The following VPS13D variants were observed in gnomAD, a reference collection of about 807,000 sequenced individuals.
The protein encoded by VPS13D is vacuolar protein sorting 13 homolog D, also known as intermembrane lipid transfer protein VPS13D.
A neutral mutation model predicts 461.9 loss-of-function variants in VPS13D; 187 were observed. That is an observed-to-expected ratio of 0.40 (90% CI 0.36 to 0.46). VPS13D has a LOEUF of 0.46. Among genes scored for constraint, VPS13D ranks in the 20% least tolerant of loss-of-function variants. VPS13D has a pLI of 0.60. For missense variants in VPS13D, 4,711 were observed against 5,364.9 expected, an observed-to-expected ratio of 0.88 and a Z score of 3.81; for synonymous variants, 1,951 against 1,986.3, an observed-to-expected ratio of 0.98 and a Z score of 0.47.
At chr1:12,270,947 C>T (rs748990357) in intron 16 of VPS13D, 47 bp from the exon 17 acceptor site, 3 of 1,603,364 alleles carry the variant, frequency 1.9e-6, no homozygotes, top group Non-Finnish European at 2.6e-6. Flanking sequence ...TTTGTTCACC[C>T]AGCCGTGTGA....
chr1:12,405,280 G>A (rs183029599), intron 63 of VPS13D, among the ~76,000 whole-genome samples: 1 of 152,224 alleles, frequency 6.6e-6, no homozygotes, highest in East Asian at 1.9e-4. Flanking sequence ...GGATTTTTAT[G>A]TGGAATCTCC....
At chr1:12,357,087 G>A (rs1177318774) in intron 49 of VPS13D, among the ~76,000 whole-genome samples, 1 of 152,222 alleles carries the variant, frequency 6.6e-6, no homozygotes, top group African/African-American at 2.4e-5. Flanking sequence ...TATGGTAGGA[G>A]CATTAATTCA....
chr1:12,239,712 C>G (rs370519225), intron 2 of VPS13D, among the ~76,000 whole-genome samples: 4 of 152,102 alleles, frequency 2.6e-5, no homozygotes, highest in Non-Finnish European at 5.9e-5. Flanking sequence ...CCTGGAGCAG[C>G]GGGAAGAGAG....
chr1:12,424,047 T>G (rs913523892), intron 65 of VPS13D, among the ~76,000 whole-genome samples: 5 of 152,232 alleles, frequency 3.3e-5, no homozygotes, highest in Non-Finnish European at 4.4e-5. Context: ...ATCCCCATAA[T>G]AGCTTTTCCA....
intron 27 of VPS13D, among the ~76,000 whole-genome samples, chr1:12,310,793 TTCCC>T (rs1227739408): frequency 0.015 from 1,864 of 126,992 alleles, 56 homozygotes; most frequent in African/African-American, 0.049. Flanking sequence ...CCTTCCTTCC[TTCCC>T]TCCCTCCCTC....
At chr1:12,385,130 T>C in intron 58 of VPS13D, 130 bp from the exon 59 acceptor site, 1 of 723,542 alleles carries the variant, frequency 1.4e-6, no homozygotes, top group South Asian at 2.0e-5. Flanking sequence ...ACCAGTGCTT[T>C]GGAAACCATT....
intron 65 of VPS13D, among the ~76,000 whole-genome samples, chr1:12,432,652 A>G (rs1042164378): frequency 3.3e-5 from 5 of 149,712 alleles, no homozygotes; most frequent in African/African-American, 9.9e-5. Flanking sequence ...CTGAAGTGCA[A>G]TGGCACCATC....
chr1:12,349,098 T>G, intron 45 of VPS13D, 66 bp from the exon 46 acceptor site: 2 of 1,610,956 alleles, frequency 1.2e-6, no homozygotes, highest in Non-Finnish European at 1.7e-6. Flanking sequence ...TCTTTTGTCC[T>G]GAGATGGTCA....
At chr1:12,413,345 G>A (rs1004837892) in intron 63 of VPS13D, among the ~76,000 whole-genome samples, 28 of 151,996 alleles carry the variant, frequency 1.8e-4, no homozygotes, top group African/African-American at 6.3e-4. Context: ...TCAGCTGGGC[G>A]TGGTGGTATG....
intron 68 of VPS13D, among the ~76,000 whole-genome samples, chr1:12,498,385 A>G (rs1308746155): frequency 6.6e-6 from 1 of 152,126 alleles, no homozygotes; most frequent in Non-Finnish European, 1.5e-5. Context: ...GGGTGGAGGA[A>G]TGTCTGAAAT....
intron 54 of VPS13D, among the ~76,000 whole-genome samples, chr1:12,372,714 T>A (rs964201640): frequency 1.3e-5 from 2 of 152,066 alleles, no homozygotes; most frequent in Non-Finnish European, 2.9e-5. Flanking sequence ...TGGTCACATA[T>A]AATTTATCTG....
rs574699411 is a variant in VPS13D, at chr1:12,407,737, G to A, written c.12030+3764G>A. Among the ~76,000 whole-genome samples the A allele has an allele frequency of 2.6e-5, 4 of 152,226 alleles. No homozygotes were observed. The East Asian group carries it at 7.7e-4, about 29-fold the overall frequency. Reference sequence around the variant, plus strand: ...TACTTAAGGGCCAGAATATTTCCTCGATTCAGACCAAGCACCTTAGTCATT... The same window carrying A: ...TACTTAAGGGCCAGAATATTTCCTCAATTCAGACCAAGCACCTTAGTCATT... On this transcript the variant is annotated intron_variant, in intron 63 of 69. Transcript: ENST00000620676.
chr1:12,354,906 ATTAAAT>A lies in VPS13D; in HGVS notation c.9679+692_9679+697del, dbSNP rs561244224. ...TTGTTAAAAGGAAAAGTTCAGCCAAATTAAATTTAAATGAGTTTAACTGAGCAATGA... is the reference window on the plus strand; with the variant it reads ...TTGTTAAAAGGAAAAGTTCAGCCAAATTAAATGAGTTTAACTGAGCAATGA... On this transcript the variant is annotated intron_variant, in intron 47 of 69. Coordinates refer to ENST00000620676, the MANE Select transcript of VPS13D (RefSeq NM_015378.4). Among the ~76,000 whole-genome samples, 288 of 152,356 alleles carry A rather than the reference ATTAAAT, an allele frequency of 1.9e-3. 1 individual carries two copies. Among genetic ancestry groups the A allele is most frequent in the African/African-American group, 6.4e-3 (268 of 41,580 alleles).
intron 26 of VPS13D, 123 bp downstream of exon 26, chr1:12,304,851 C>T (rs1642519063): frequency 1.3e-5 from 12 of 957,146 alleles, no homozygotes; most frequent in South Asian, 6.6e-5. Context: ...ATTTCTTTAA[C>T]GATGATGAGA....
chr1:12,430,842 C>G (rs2100297088), intron 65 of VPS13D, among the ~76,000 whole-genome samples: 1 of 152,286 alleles, frequency 6.6e-6, no homozygotes, highest in East Asian at 1.9e-4. Flanking sequence ...AGAAACAAAG[C>G]AAAAGGGGGC....
At chr1:12,368,386 A>T in intron 52 of VPS13D, 82 bp from the exon 53 acceptor site, 1 of 1,497,000 alleles carries the variant, frequency 6.7e-7, no homozygotes, top group South Asian at 1.4e-5. Flanking sequence ...CAGTGTTGTG[A>T]TTGTCAGAAA....
intron 37 of VPS13D, among the ~76,000 whole-genome samples, chr1:12,332,756 T>G (rs1643362147): frequency 6.6e-6 from 1 of 152,198 alleles, no homozygotes; most frequent in Admixed American, 6.5e-5. Flanking sequence ...GTTTATATAG[T>G]TTTTGTGCAT....
chr1:12,311,018 G>A (rs1415138844), intron 27 of VPS13D, among the ~76,000 whole-genome samples: 1 of 151,874 alleles, frequency 6.6e-6, no homozygotes, highest in East Asian at 1.9e-4. Context: ...CTGGGCTCAA[G>A]TGAACCCCCA....
At chr1:12,466,418 C>T (rs1481967894) in intron 67 of VPS13D, among the ~76,000 whole-genome samples, 1 of 152,162 alleles carries the variant, frequency 6.6e-6, no homozygotes, top group African/African-American at 2.4e-5. Context: ...GCTGATATCC[C>T]ATGTATCTAG....
Sources: gnomAD v4.1 joint callset for allele counts (sites outside exome capture counted in the v4.1 genomes callset) on GRCh38, gnomAD v4.1.1 for gene constraint, MANE v1.5 for transcripts, NCBI Gene and HGNC (gene_info 2026-07-23, HGNC 2026-07-21) for gene names.